The following DAP variants were observed in gnomAD, a reference collection of about 807,000 sequenced individuals.
DAP encodes the protein death associated protein.
DAP carries 8 observed loss-of-function variants against 13.8 expected under a neutral mutation model. The observed-to-expected ratio is 0.58, with a 90% CI of 0.34 to 1.05. DAP has a LOEUF of 1.05. Among genes scored for constraint, DAP ranks in the 50% least tolerant of loss-of-function variants. The pLI, the probability that DAP is intolerant of heterozygous loss-of-function variation, is 0.03. For synonymous variants in DAP, 47 were observed against 47.5 expected (o/e 0.99, Z 0.04); for missense variants, 106 against 133.2 (o/e 0.80, Z 1.01).
At chr5:10,730,710 G>T (rs1739433494) in intron 2 of DAP, among the ~76,000 whole-genome samples, 2 of 120,174 alleles carry the variant, frequency 1.7e-5, no homozygotes, top group Admixed American at 8.1e-5. Context: ...GAGCCCTAGT[G>T]AGGGGGAATC....
At chr5:10,686,086 G>A (rs1393904057) in intron 2 of DAP, among the ~76,000 whole-genome samples, 2 of 152,164 alleles carry the variant, frequency 1.3e-5, no homozygotes, top group African/African-American at 4.8e-5. Flanking sequence ...AGTGATCTGT[G>A]GTCATTGATC....
intron 2 of DAP, among the ~76,000 whole-genome samples, chr5:10,698,784 G>A (rs1372411745): frequency 6.6e-6 from 1 of 152,150 alleles, no homozygotes; most frequent in Non-Finnish European, 1.5e-5. Flanking sequence ...GAATTTGGAG[G>A]AAAGAGACTT....
chr5:10,721,629 C>A (rs952938885), intron 2 of DAP, among the ~76,000 whole-genome samples: 3 of 152,152 alleles, frequency 2.0e-5, no homozygotes, highest in Admixed American at 2.0e-4. Context: ...ACAGCCCAAC[C>A]CAGGCAGGAC....
chr5:10,717,938 A>C (rs1473402242), intron 2 of DAP, among the ~76,000 whole-genome samples: 8 of 152,204 alleles, frequency 5.3e-5, no homozygotes, highest in African/African-American at 1.9e-4. Flanking sequence ...GAATTAGAAA[A>C]ACAGAATCAC....
chr5:10,686,692 G>T (rs557868175), intron 2 of DAP, among the ~76,000 whole-genome samples: 7 of 152,186 alleles, frequency 4.6e-5, no homozygotes, highest in Non-Finnish European at 1.0e-4. Context: ...AGCAGAGGTT[G>T]GTTCATGAGG....
At chr5:10,719,346 T>C (rs1739076583) in intron 2 of DAP, among the ~76,000 whole-genome samples, 1 of 152,208 alleles carries the variant, frequency 6.6e-6, no homozygotes, top group Non-Finnish European at 1.5e-5. Flanking sequence ...GCTCTGTCAC[T>C]TGGGCCATAT....
At chr5:10,748,139 G>T in intron 2 of DAP, 36 bp downstream of exon 2, 1 of 1,453,800 alleles carries the variant, frequency 6.9e-7, no homozygotes, top group Non-Finnish European at 9.7e-7. Context: ...TAGGGTTTTT[G>T]GAAAACATGC....
At chr5:10,751,560 G>C (rs1278721357) in intron 1 of DAP, among the ~76,000 whole-genome samples, 5 of 152,200 alleles carry the variant, frequency 3.3e-5, no homozygotes, top group Non-Finnish European at 5.9e-5. Context: ...AGAAATTGAT[G>C]AAAGATGCTA....
chr5:10,744,470 C>T (rs929303129), intron 2 of DAP, among the ~76,000 whole-genome samples: 9 of 152,214 alleles, frequency 5.9e-5, no homozygotes, highest in African/African-American at 2.2e-4. Context: ...CACCTACTGA[C>T]GGTGAGGCTG....
intron 1 of DAP, among the ~76,000 whole-genome samples, chr5:10,751,937 C>A (rs774347704): frequency 2.0e-5 from 3 of 152,170 alleles, no homozygotes; most frequent in Non-Finnish European, 4.4e-5. Flanking sequence ...TAAGGCAGGC[C>A]AAACCAACAA....
At chr5:10,716,739 T>C (rs1022968761) in intron 2 of DAP, among the ~76,000 whole-genome samples, 8 of 152,196 alleles carry the variant, frequency 5.3e-5, no homozygotes, top group Non-Finnish European at 7.3e-5. Flanking sequence ...TTCTGGGAAC[T>C]TGTGATCGTG....
chr5:10,755,811 A>G (rs187767938), intron 1 of DAP, among the ~76,000 whole-genome samples: 2 of 152,370 alleles, frequency 1.3e-5, no homozygotes, highest in East Asian at 3.9e-4. Flanking sequence ...GCCGAAATGA[A>G]AAGGACACTC....
intron 2 of DAP, among the ~76,000 whole-genome samples, chr5:10,709,398 G>A (rs1038962627): frequency 2.0e-5 from 3 of 152,198 alleles, no homozygotes; most frequent in African/African-American, 4.8e-5. Flanking sequence ...AGACCCAAAC[G>A]CAGGACACTC....
intron 2 of DAP, among the ~76,000 whole-genome samples, chr5:10,727,424 C>T (rs1376929707): frequency 2.6e-5 from 4 of 152,270 alleles, no homozygotes; most frequent in Middle Eastern, 3.4e-3. Context: ...TGAGACTTGA[C>T]GTTTGGATTG....
chr5:10,680,633 T>G lies in DAP; in HGVS notation c.*423A>C, dbSNP rs1737960014. On this transcript the variant is annotated 3_prime_UTR_variant, in exon 4 of 4. Coordinates refer to ENST00000230895, the MANE Select transcript of DAP (RefSeq NM_004394.3). Reference sequence around the variant, plus strand: ...CCCTTAGTTCTTACTCTCCCACAGGTGTTGAGATTTTATTGGCCCATACTA... The same window carrying G: ...CCCTTAGTTCTTACTCTCCCACAGGGGTTGAGATTTTATTGGCCCATACTA... 4 of 1,099,130 alleles carry G rather than the reference T, an allele frequency of 3.6e-6. No homozygotes were observed. The East Asian group carries it at 1.0e-4, about 28-fold the overall frequency. The allele number at this position is 1,099,130 out of a possible 1,614,324, so 68.1% of individuals were successfully genotyped here.
intron 2 of DAP, among the ~76,000 whole-genome samples, chr5:10,716,597 G>A (rs955484748): frequency 6.6e-6 from 1 of 152,120 alleles, no homozygotes; most frequent in East Asian, 1.9e-4. Context: ...GACTAGCCTA[G>A]CCTCCCAGCC....
intron 2 of DAP, among the ~76,000 whole-genome samples, chr5:10,711,238 A>C (rs1349001802): frequency 6.6e-6 from 1 of 152,192 alleles, no homozygotes; most frequent in African/African-American, 2.4e-5. Context: ...GGCCAAGAGC[A>C]GCGCATGGCT....
chr5:10,738,900 G>A (rs921158350), intron 2 of DAP, among the ~76,000 whole-genome samples: 5 of 152,206 alleles, frequency 3.3e-5, no homozygotes, highest in Non-Finnish European at 7.4e-5. Flanking sequence ...ATATGTGAGC[G>A]TTAAGAAATG....
chr5:10,729,239 G>A lies in DAP; in HGVS notation c.152+18936C>T, dbSNP rs182672626. Among the ~76,000 whole-genome samples, 19 of 152,294 alleles carry A rather than the reference G, an allele frequency of 1.2e-4. No homozygotes were observed. In the East Asian group the frequency reaches 3.3e-3, roughly 26 times the overall value. On this transcript the variant is annotated intron_variant, in intron 2 of 3. Coordinates refer to ENST00000230895, the MANE Select transcript of DAP (RefSeq NM_004394.3). Reference sequence around the variant, plus strand: ...AGAGGTCATGCTCTGCTGTTCTGTAGGTAGGAATGTTAGATAAATGCAATG... The same window carrying A: ...AGAGGTCATGCTCTGCTGTTCTGTAAGTAGGAATGTTAGATAAATGCAATG...
Sources: allele counts gnomAD v4.1 joint callset (sites outside exome capture counted in the v4.1 genomes callset), GRCh38; gene constraint gnomAD v4.1.1; transcripts MANE v1.5; gene names NCBI Gene and HGNC (gene_info 2026-07-23, HGNC 2026-07-21).